Variants in TNKS observed in about 807,000 individuals in gnomAD.
TNKS encodes the protein tankyrase, also known as poly [ADP-ribose] polymerase tankyrase-1.
TNKS carries 72 observed loss-of-function variants against 135.8 expected under a neutral mutation model. The ratio of observed to expected loss-of-function variants is 0.53; its 90% CI spans 0.44 to 0.64. The LOEUF is 0.64. Among genes scored for constraint, TNKS ranks in the 30% least tolerant of loss-of-function variants. TNKS has a pLI of 0.00. For missense variants in TNKS, 1,769 were observed against 1,674.0 expected (o/e 1.06, Z -0.99); for synonymous variants, 849 against 649.3 (o/e 1.31, Z -4.68).
chr8:9,649,878 C>CTTTTTT lies in TNKS; in HGVS notation c.995-30049_995-30044dup, dbSNP rs71201959. Among the ~76,000 whole-genome samples the CTTTTTT allele has an allele frequency of 5.4e-4, 45 of 83,376 alleles. 1 individual carries two copies. Among genetic ancestry groups the CTTTTTT allele is most frequent in the African/African-American group, 2.2e-3 (41 of 18,790 alleles). 54.7% of individuals were successfully genotyped at this position (83,376 alleles called of 152,430 possible). ...CACAGTTCTTTCTTTCTTTTCTTTT[C>CTTTTTT]TTTTTTTTTTTTTTTTTTTTTTTTT... On this transcript the variant is annotated intron_variant, in intron 3 of 26. Transcript: ENST00000310430.
intron 26 of TNKS, 44 bp downstream of exon 26, chr8:9,770,306 T>C: frequency 6.4e-7 from 1 of 1,574,670 alleles, no homozygotes; most frequent in South Asian, 1.1e-5. Flanking sequence ...CACAAACATG[T>C]CAATAGAGCA....
At chr8:9,691,565 C>T (rs1393626705) in intron 5 of TNKS, among the ~76,000 whole-genome samples, 1 of 152,160 alleles carries the variant, frequency 6.6e-6, no homozygotes, top group South Asian at 2.1e-4. Context: ...AGTCAGACTG[C>T]CTGGATTTGA....
intron 1 of TNKS, among the ~76,000 whole-genome samples, chr8:9,567,460 G>C (rs1797586803): frequency 6.6e-6 from 1 of 152,158 alleles, no homozygotes; most frequent in African/African-American, 2.4e-5. Context: ...CTGTCGCCCA[G>C]GCTGGAGCGC....
chr8:9,732,884 C>T (rs1585390863), intron 14 of TNKS, among the ~76,000 whole-genome samples: 1 of 152,142 alleles, frequency 6.6e-6, no homozygotes, highest in Non-Finnish European at 1.5e-5. Context: ...TGAATCACCA[C>T]TATGATTAAA....
intron 11 of TNKS, among the ~76,000 whole-genome samples, chr8:9,720,157 A>G (rs546990425): frequency 1.3e-5 from 2 of 152,290 alleles, no homozygotes; most frequent in East Asian, 1.9e-4. Flanking sequence ...CCGGGAAGAA[A>G]GGGTATGTTG....
chr8:9,673,410 T>C (rs1022324644), intron 3 of TNKS, among the ~76,000 whole-genome samples: 1 of 151,520 alleles, frequency 6.6e-6, no homozygotes, highest in Non-Finnish European at 1.5e-5. Flanking sequence ...TATAGGATAA[T>C]AGAGTTGTAT....
At chr8:9,590,682 C>T (rs189928579) in intron 2 of TNKS, among the ~76,000 whole-genome samples, 2 of 152,258 alleles carry the variant, frequency 1.3e-5, no homozygotes, top group African/African-American at 4.8e-5. Flanking sequence ...TGTTGAGCAT[C>T]TTTTCATGTG....
At chr8:9,621,623 GT>G (rs1799871314) in intron 3 of TNKS, among the ~76,000 whole-genome samples, 1 of 152,004 alleles carries the variant, frequency 6.6e-6, no homozygotes, top group East Asian at 1.9e-4. Flanking sequence ...TGTTCTGTTA[GT>G]TTGCTGTTTT....
At position 9,615,595 on chromosome 8, in the gene TNKS, C is replaced by T. The variant is rs761562375; in HGVS notation, c.912C>T (p.His304=). Residue 304 remains histidine (H), a synonymous_variant, in exon 3 of 27, where the codon CAC becomes CAT. Coordinates refer to ENST00000310430, the MANE Select transcript of TNKS (RefSeq NM_003747.3). ...TTCCCTGCACAGTGCTGCTGCAGCA[C>T]GGAGCTGACCCAAACATTCGGAACA... ...KIDVCIVLLQ[H]GADPNIRNTD... is the part of the protein sequence containing the mutation. 9 of 1,613,274 alleles carry T rather than the reference C, an allele frequency of 5.6e-6. No homozygotes were observed. Among genetic ancestry groups the T allele is most frequent in the African/African-American group, 2.7e-5 (2 of 74,866 alleles).
intron 2 of TNKS, among the ~76,000 whole-genome samples, chr8:9,595,812 C>G (rs1798764937): frequency 6.6e-6 from 1 of 152,040 alleles, no homozygotes; most frequent in African/African-American, 2.4e-5. Flanking sequence ...TTCAATTGTT[C>G]AAAACAATCT....
chr8:9,586,356 C>G (rs1382662029), intron 2 of TNKS, among the ~76,000 whole-genome samples: 1 of 152,046 alleles, frequency 6.6e-6, no homozygotes, highest in African/African-American at 2.4e-5. Flanking sequence ...TGTTGTAATT[C>G]CCATTTTTCC....
At chr8:9,599,645 A>G (rs1214262290) in intron 2 of TNKS, among the ~76,000 whole-genome samples, 55 of 152,318 alleles carry the variant, frequency 3.6e-4, no homozygotes, top group Non-Finnish European at 4.4e-5. Flanking sequence ...ATGTGAGCAG[A>G]TAATTCTGAT....
chr8:9,615,586 G>A lies in TNKS; in HGVS notation c.903G>A (p.Leu301=), dbSNP rs1376670723. The A allele has an allele frequency of 3.7e-6, 6 of 1,612,930 alleles. No homozygotes were observed. The highest frequency in any genetic ancestry group is 5.1e-6 in the Non-Finnish European group (6 of 1,179,556). ...GTTTCTGCTTTCCCTGCACAGTGCT[G>A]CTGCAGCACGGAGCTGACCCAAACA... The part of the protein sequence containing the change: ...IKGKIDVCIV[L]LQHGADPNIR... Residue 301 remains leucine (L), a synonymous_variant, in exon 3 of 27, where the codon CTG becomes CTA. Transcript: ENST00000310430.
Position 9,725,460 on chromosome 8 carries a change from A to T in TNKS, c.1922-1181A>T, listed in dbSNP as rs556958957. Among the ~76,000 whole-genome samples, 47 of 152,312 alleles carry T rather than the reference A, an allele frequency of 3.1e-4. No homozygotes were observed. In the South Asian group the frequency reaches 9.3e-3, roughly 30 times the overall value. ...CAAATAAGTAGTTTATCTTTTACTG[A>T]AGAATTGTCATAACTTATTCTGTAA... On this transcript the variant is annotated intron_variant, in intron 12 of 26. Coordinates refer to ENST00000310430, the MANE Select transcript of TNKS (RefSeq NM_003747.3).
chr8:9,601,840 A>G (rs946421210), intron 2 of TNKS, among the ~76,000 whole-genome samples: 1 of 152,082 alleles, frequency 6.6e-6, no homozygotes, highest in South Asian at 2.1e-4. Flanking sequence ...GTTTTACTTT[A>G]TTGCTTTACT....
At chr8:9,702,823 C>G (rs984283643) in intron 5 of TNKS, among the ~76,000 whole-genome samples, 46 of 152,088 alleles carry the variant, frequency 3.0e-4, no homozygotes, top group African/African-American at 1.1e-3. Context: ...CCAGACAAGT[C>G]TGGCCAACAT....
Position 9,777,103 on chromosome 8 carries a change from A to G in TNKS, c.*367A>G, listed in dbSNP as rs1052561873. 1.8e-5 allele frequency: 4 copies of G among 218,584 alleles called. No homozygotes were observed. Among genetic ancestry groups the G allele is most frequent in the Non-Finnish European group, 2.8e-5 (3 of 107,938 alleles). The allele number at this position is 218,584 out of a possible 1,614,324, so 13.5% of individuals were successfully genotyped here. Reference sequence around the variant, plus strand: ...CACTACATTTGTTTTGTTATGCATGACGTGTCTATAACAAATATACACATA... The same window carrying G: ...CACTACATTTGTTTTGTTATGCATGGCGTGTCTATAACAAATATACACATA... On this transcript the variant is annotated 3_prime_UTR_variant, in exon 27 of 27. Transcript: ENST00000310430.
chr8:9,661,450 T>G (rs201137635), intron 3 of TNKS, among the ~76,000 whole-genome samples: 2 of 152,096 alleles, frequency 1.3e-5, no homozygotes, highest in East Asian at 3.9e-4. Context: ...ACTATCTGAT[T>G]TTTGACAAGC....
At chr8:9,631,991 A>G (rs1424000129) in intron 3 of TNKS, among the ~76,000 whole-genome samples, 3 of 152,176 alleles carry the variant, frequency 2.0e-5, no homozygotes, top group South Asian at 2.1e-4. Flanking sequence ...AAAACCTTTG[A>G]CAAAGCTTTC....
Sources: gnomAD v4.1 joint callset for allele counts (sites outside exome capture counted in the v4.1 genomes callset) on GRCh38, gnomAD v4.1.1 for gene constraint, MANE v1.5 for transcripts, NCBI Gene and HGNC (gene_info 2026-07-23, HGNC 2026-07-21) for gene names.